CDC42BPG: variants seen among roughly 807,000 people sequenced by gnomAD.
The protein encoded by CDC42BPG is serine/threonine-protein kinase MRCK gamma.
Under a neutral mutation model 192.2 loss-of-function variants are expected in CDC42BPG, and 157 were observed. The observed-to-expected ratio is 0.82, with a 90% confidence interval of 0.72 to 0.93. The LOEUF (loss-of-function observed/expected upper bound fraction) is 0.93. Ranked by LOEUF, CDC42BPG falls within the 40% of genes least tolerant of loss-of-function variation. CDC42BPG has a pLI of 0.00. For synonymous variants in CDC42BPG, 981 were observed against 918.5 expected (o/e 1.07, Z -1.23); for missense variants, 1,992 against 2,122.1 (o/e 0.94, Z 1.20).
Position 64,834,486 on chromosome 11 carries a change from T to G in CDC42BPG, c.2267A>C (p.Lys756Thr), listed in dbSNP as rs1942875344. Residue 756 changes from lysine to threonine, a missense_variant, in exon 19 of 37, where the codon AAG becomes ACG. This residue lies in a region of CDC42BPG where 1,656 missense variants were observed against 1,844.3 expected (regional missense o/e 0.90). Transcript: ENST00000342711. ...QSALEAEIRA[K>T]QGLQERLTQV... is the part of the protein sequence containing the mutation. Reference sequence around the variant, plus strand: ...TGTCAGCCGCTCCTGCAGGCCCTGCTTGGCGCGGATCTCGGCCTCCAGCGC... The same window carrying G: ...TGTCAGCCGCTCCTGCAGGCCCTGCGTGGCGCGGATCTCGGCCTCCAGCGC... 1 of 1,573,376 alleles carries G rather than the reference T, an allele frequency of 6.4e-7. No individual in the cohort carries two copies. The highest frequency in any genetic ancestry group is 8.6e-7 in the Non-Finnish European group (1 of 1,159,984).
At position 64,838,135 on chromosome 11, in the gene CDC42BPG, C is replaced by A. The variant is rs775857729; in HGVS notation, c.1153G>T (p.Ala385Ser). 7 of 1,553,710 alleles carry A rather than the reference C, an allele frequency of 4.5e-6. No individual in the cohort carries two copies. Among genetic ancestry groups the A allele is most frequent in the Admixed American group, 3.9e-5 (2 of 51,534 alleles). Residue 385 changes from alanine (A) to serine (S), a missense_variant, in exon 9 of 37, where the codon GCC becomes TCC. Ala to Ser is a moderately conservative substitution (Grantham distance 99, BLOSUM62 1). This residue lies in a region of CDC42BPG where 1,656 missense variants were observed against 1,844.3 expected (regional missense o/e 0.90). Transcript: ENST00000342711. ...PGTLPPPSHG[A>S]FSGHHLPFVG... The stretch of plus-strand genomic sequence containing the variant: ...AATGGCAGGTGATGGCCGGAGAAGG[C>A]CCCGTGGGAGGGCGGTGGCAGGGTC...
chr11:64,834,074 G>T (rs569766430), intron 20 of CDC42BPG, 97 bp from the exon 21 acceptor site: 10 of 1,551,954 alleles, frequency 6.4e-6, no homozygotes, highest in Admixed American at 5.0e-5. Context: ...AATGGGAAAT[G>T]ACCACAGGGT....
At chr11:64,835,025 C>CCCCCCCCCCCCG in intron 17 of CDC42BPG, 22 bp downstream of exon 17, 1 of 1,606,660 alleles carries the variant, frequency 6.2e-7, no homozygotes, top group Non-Finnish European at 8.5e-7. Flanking sequence ...GTTCCCCACC[C>CCCCCCCCCCCCG]CGACCCACCC....
chr11:64,825,391 G>A (rs1213635077), intron 36 of CDC42BPG, among the ~76,000 whole-genome samples: 1 of 152,194 alleles, frequency 6.6e-6, no homozygotes, highest in Non-Finnish European at 1.5e-5. Context: ...TGTGGAGGGA[G>A]CGGGGTGGCA....
In CDC42BPG at chr11:64,836,950, C is replaced by G. The variant is rs139726105; in HGVS notation, c.1275G>C (p.Glu425Asp). Residue 425 changes from glutamate (E) to aspartate (D), a missense_variant, in exon 10 of 37, where the codon GAG becomes GAC. This residue lies in a region of CDC42BPG where 1,656 missense variants were observed against 1,844.3 expected (regional missense o/e 0.90). Transcript: ENST00000342711. ...LERKLQCLEQEKVELSRKHQE... is the reference protein window; with the variant it reads ...LERKLQCLEQDKVELSRKHQE... The stretch of plus-strand genomic sequence containing the variant: ...GGTGCTTCCTGCTCAGCTCCACCTT[C>G]TCCTGCTCCAGACACTGGAGCTTCC... 1.7e-5 allele frequency: 27 copies of G among 1,613,404 alleles called. No individual in the cohort carries two copies. In the African/African-American group the frequency reaches 3.2e-4, roughly 19 times the overall value.
intron 1 of CDC42BPG, among the ~76,000 whole-genome samples, chr11:64,842,192 G>C (rs1328503429): frequency 6.6e-6 from 1 of 152,180 alleles, no homozygotes; most frequent in Admixed American, 6.5e-5. Context: ...GATGGGACTT[G>C]TAGTCCTGCC....
At chr11:64,844,359 C>A (rs1462027815) in intron 1 of CDC42BPG, 51 bp downstream of exon 1, 78 of 1,331,626 alleles carry the variant, frequency 5.9e-5, no homozygotes, top group Non-Finnish European at 6.4e-5. Context: ...GCGGGGGTCT[C>A]GGCGCGATAT....
rs746278033 is a variant in CDC42BPG, at chr11:64,834,950, T to C, written c.2074A>G (p.Lys692Glu). 1.9e-6 allele frequency: 3 copies of C among 1,613,856 alleles called. No individual in the cohort carries two copies. The Admixed American group carries it at 5.0e-5, about 27-fold the overall frequency. ...GCCTGCAGGTAGCCTCTTGAGACCTTCTCATCATTCACCCTGAATGGGAAG... is the reference window on the plus strand; with the variant it reads ...GCCTGCAGGTAGCCTCTTGAGACCTCCTCATCATTCACCCTGAATGGGAAG... ...ADILSWVNDE[K>E]VSRGYLQALA... Residue 692 changes from lysine (K) to glutamate (E), a missense_variant, in exon 18 of 37, where the codon AAG (lysine) becomes GAG (glutamate). Physicochemically the swap from Lys to Glu is moderately conservative, Grantham distance 56. Around this residue, in one of 2 missense-constraint regions of CDC42BPG, gnomAD observed 1,656 missense variants for 1,844.3 expected, o/e 0.90. Transcript: ENST00000342711.
chr11:64,838,188 C>CA (rs1409570440), intron 8 of CDC42BPG, 26 bp from the exon 9 acceptor site: 1 of 1,538,482 alleles, frequency 6.5e-7, no homozygotes, highest in Non-Finnish European at 8.8e-7. Context: ...GAAGGAGAGT[C>CA]AGAGTCCACA....
intron 17 of CDC42BPG, 30 bp downstream of exon 17, chr11:64,835,017 T>TTCCCCCCCCCC: frequency 1.3e-6 from 2 of 1,571,954 alleles, no homozygotes; most frequent in Admixed American, 1.7e-5. Flanking sequence ...TCGCCTGCGT[T>TTCCCCCCCCCC]CCCCACCCCG....
intron 36 of CDC42BPG, among the ~76,000 whole-genome samples, chr11:64,825,647 A>G (rs1251425938): frequency 6.6e-6 from 1 of 152,164 alleles, no homozygotes; most frequent in Non-Finnish European, 1.5e-5. Context: ...TGTGCTGTAG[A>G]CGTGGCTGCA....
Position 64,829,336 on chromosome 11 carries a change from G to C in CDC42BPG, c.3967+135C>G, listed in dbSNP as rs1942574255. 3.6e-6 allele frequency: 4 copies of C among 1,108,382 alleles called. No homozygotes were observed. In the South Asian group the frequency reaches 6.2e-5, roughly 17 times the overall value. The allele number at this position is 1,108,382 out of a possible 1,614,324, so 68.7% of individuals were successfully genotyped here. A position where few individuals can be genotyped will look rare whatever the true frequency, so the allele number is the denominator to read the frequency against. On this transcript the variant is annotated intron_variant, in intron 30 of 36. Transcript: ENST00000342711. ...CTGCAAGCCACAGAGGGTGGGACAGGGTGTTGTTGGGCTGGAGGATGCAAA... is the reference window on the plus strand; with the variant it reads ...CTGCAAGCCACAGAGGGTGGGACAGCGTGTTGTTGGGCTGGAGGATGCAAA...
chr11:64,843,793 G>T (rs2136435280), intron 1 of CDC42BPG, among the ~76,000 whole-genome samples: 1 of 152,340 alleles, frequency 6.6e-6, no homozygotes, highest in African/African-American at 2.4e-5. Flanking sequence ...AGCTTGGCCA[G>T]CAGCCTGCAC....
At chr11:64,840,091 T>C in intron 5 of CDC42BPG, 29 bp downstream of exon 5, 1 of 1,600,378 alleles carries the variant, frequency 6.2e-7, no homozygotes, top group East Asian at 2.3e-5. Context: ...GCAGCGGGGT[T>C]GGGCAGGGCA....
chr11:64,836,561 G>A (rs960127904), intron 11 of CDC42BPG, 31 bp from the exon 12 acceptor site: 1 of 1,587,926 alleles, frequency 6.3e-7, no homozygotes, highest in Non-Finnish European at 8.6e-7. Flanking sequence ...GACCTCGAGT[G>A]CTGGCGGCCC....
Position 64,825,471 on chromosome 11 carries a change from A to T in CDC42BPG, c.4600-942T>A, listed in dbSNP as rs989643153. On this transcript the variant is annotated intron_variant, in intron 36 of 36. Coordinates refer to ENST00000342711, the MANE Select transcript of CDC42BPG (RefSeq NM_017525.3). ...GGCCAGGAAGGCTCCTTTGAAGATG[A>T]TCCTGGTGGGTCACCTGGAGGGCAG... Among the ~76,000 whole-genome samples the T allele has an allele frequency of 2.6e-5, 4 of 152,212 alleles. No homozygotes were observed. The South Asian group carries it at 8.3e-4, about 32-fold the overall frequency.
intron 6 of CDC42BPG, 29 bp downstream of exon 6, chr11:64,839,449 C>T (rs778437007): frequency 1.7e-6 from 2 of 1,173,622 alleles, no homozygotes; most frequent in South Asian, 1.4e-5. Context: ...CTTGTATCCC[C>T]TGCTCCCACT....
chr11:64,830,914 CTCTT>C (rs1320275356), intron 28 of CDC42BPG, among the ~76,000 whole-genome samples: 3 of 152,228 alleles, frequency 2.0e-5, no homozygotes, highest in African/African-American at 4.8e-5. Context: ...CTTCGTTTCT[CTCTT>C]TCTAAAGCCT....
At chr11:64,825,060 G>A (rs1352537086) in intron 36 of CDC42BPG, among the ~76,000 whole-genome samples, 3 of 152,128 alleles carry the variant, frequency 2.0e-5, no homozygotes, top group African/African-American at 7.2e-5. Flanking sequence ...GGGATTACAA[G>A]CATGCACCAC....
Sources: gnomAD v4.1 joint callset for allele counts (sites outside exome capture counted in the v4.1 genomes callset) on GRCh38, gnomAD v4.1.1 for gene constraint, gnomAD v4.1.1 regional missense constraint, MANE v1.5 for transcripts, NCBI Gene and HGNC (gene_info 2026-07-23, HGNC 2026-07-21) for gene names.